The following GABRB1 variants were observed in gnomAD, a reference collection of about 807,000 sequenced individuals.
GABRB1 encodes gamma-aminobutyric acid type A receptor subunit beta1, also known as gamma-aminobutyric acid receptor subunit beta-1.
GABRB1 carries 17 observed loss-of-function variants against 51.6 expected under a neutral mutation model. The ratio of observed to expected loss-of-function variants is 0.33; its 90% confidence interval spans 0.23 to 0.49. The LOEUF is 0.49. GABRB1 is among the 20% of genes least tolerant of loss of function. The pLI, the probability that GABRB1 is intolerant of heterozygous loss-of-function variation, is 0.99. For missense variants in GABRB1, 410 were observed against 600.6 expected, an observed-to-expected ratio of 0.68 and a Z score of 3.32; for synonymous variants, 247 against 218.9, an observed-to-expected ratio of 1.13 and a Z score of -1.14.
At chr4:47,352,662 T>C (rs945064989) in intron 5 of GABRB1, among the ~76,000 whole-genome samples, 16 of 152,222 alleles carry the variant, frequency 1.1e-4, no homozygotes, top group Non-Finnish European at 2.1e-4. Context: ...TTTTGGTTTC[T>C]TTAGGATACT....
intron 5 of GABRB1, among the ~76,000 whole-genome samples, chr4:47,359,451 C>T (rs1468082941): frequency 6.6e-6 from 1 of 151,974 alleles, no homozygotes; most frequent in Admixed American, 6.6e-5. Flanking sequence ...ATCTAAATGG[C>T]CCTTGATTGA....
intron 4 of GABRB1, among the ~76,000 whole-genome samples, chr4:47,302,403 A>G (rs1161961677): frequency 2.0e-5 from 3 of 152,036 alleles, no homozygotes; most frequent in African/African-American, 7.2e-5. Flanking sequence ...CATAAGTGAT[A>G]TTATAAGTTC....
intron 8 of GABRB1, among the ~76,000 whole-genome samples, chr4:47,422,557 C>T (rs28713608): frequency 0.014 from 2,186 of 152,204 alleles, 45 homozygotes; most frequent in African/African-American, 0.05. Context: ...CCATTCTGTC[C>T]TTCTGGACAC....
chr4:47,355,915 C>T (rs1259362562), intron 5 of GABRB1, among the ~76,000 whole-genome samples: 2 of 152,236 alleles, frequency 1.3e-5, no homozygotes, highest in South Asian at 4.1e-4. Flanking sequence ...AATTATTTAA[C>T]CCTTCTAAGT....
chr4:47,101,645 T>C (rs1714728617), intron 3 of GABRB1, among the ~76,000 whole-genome samples: 1 of 152,066 alleles, frequency 6.6e-6, no homozygotes, highest in Non-Finnish European at 1.5e-5. Context: ...ACTCCCATCC[T>C]GTGATGCTTA....
intron 8 of GABRB1, among the ~76,000 whole-genome samples, chr4:47,422,807 T>C (rs765454930): frequency 6.6e-6 from 1 of 152,144 alleles, no homozygotes; most frequent in Non-Finnish European, 1.5e-5. Flanking sequence ...ACCCTATACA[T>C]GCAACACACA....
At chr4:47,373,884 C>A (rs1250577868) in intron 5 of GABRB1, among the ~76,000 whole-genome samples, 1 of 152,152 alleles carries the variant, frequency 6.6e-6, no homozygotes, top group Non-Finnish European at 1.5e-5. Flanking sequence ...GGTAAGGTGT[C>A]AAGGAAGGTC....
chr4:47,286,043 A>G (rs1201236672), intron 4 of GABRB1, among the ~76,000 whole-genome samples: 1 of 152,240 alleles, frequency 6.6e-6, no homozygotes, highest in Non-Finnish European at 1.5e-5. Flanking sequence ...TGGAAGAGAG[A>G]CAAAAATCCA....
chr4:47,008,204 A>G (rs1724468687), intron 1 of GABRB1, among the ~76,000 whole-genome samples: 1 of 152,148 alleles, frequency 6.6e-6, no homozygotes, highest in South Asian at 2.1e-4. Context: ...TTCATTAAAT[A>G]CAGAATACAG....
At chr4:47,415,551 G>A (rs754109355) in intron 8 of GABRB1, among the ~76,000 whole-genome samples, 1 of 152,120 alleles carries the variant, frequency 6.6e-6, no homozygotes, top group Non-Finnish European at 1.5e-5. Context: ...CCAGGAAGAT[G>A]GAAAATGCTA....
At position 47,145,149 on chromosome 4, in the gene GABRB1, T is replaced by C. The variant is rs151306779; in HGVS notation, c.241-16100T>C. ...AGTATCTCTTTGTATCTGCAGCAGG[T>C]ATGCCTTAGTGAGCAGGTAGCCAAG... On this transcript the variant is annotated intron_variant, in intron 3 of 8. Transcript: ENST00000295454. Among the ~76,000 whole-genome samples, 33 of 152,072 alleles carry C rather than the reference T, an allele frequency of 2.2e-4. No homozygotes were observed. The East Asian group carries it at 5.6e-3, about 26-fold the overall frequency.
At chr4:47,079,466 T>C (rs1727726330) in intron 3 of GABRB1, among the ~76,000 whole-genome samples, 1 of 152,134 alleles carries the variant, frequency 6.6e-6, no homozygotes, top group Non-Finnish European at 1.5e-5. Context: ...ATATCCCCTT[T>C]ATCATTTTTT....
At chr4:47,353,065 A>C (rs1022432172) in intron 5 of GABRB1, among the ~76,000 whole-genome samples, 1 of 152,190 alleles carries the variant, frequency 6.6e-6, no homozygotes, top group Non-Finnish European at 1.5e-5. Flanking sequence ...GCAAGAGAAA[A>C]TAAGGAAGAT....
At position 47,260,949 on chromosome 4, in the gene GABRB1, C is replaced by T. The variant is rs531915003; in HGVS notation, c.462-59178C>T. On this transcript the variant is annotated intron_variant, in intron 4 of 8. Coordinates refer to ENST00000295454, the MANE Select transcript of GABRB1 (RefSeq NM_000812.4). ...TATAAACAGAACCAAAGACAAAAAC[C>T]ACATGATTATCTCAATAGAGGCAGA... Among the ~76,000 whole-genome samples the T allele has an allele frequency of 5.6e-4, 86 of 152,214 alleles. 1 individual carries two copies. Among genetic ancestry groups the T allele is most frequent in the Admixed American group, 1.6e-3 (25 of 15,292 alleles).
At chr4:47,351,996 C>A (rs1325328885) in intron 5 of GABRB1, among the ~76,000 whole-genome samples, 2 of 152,122 alleles carry the variant, frequency 1.3e-5, no homozygotes, top group Non-Finnish European at 1.5e-5. Flanking sequence ...CTAACTTCCA[C>A]AATGGTTGAA....
At chr4:47,019,930 G>A (rs1165865260) in intron 1 of GABRB1, among the ~76,000 whole-genome samples, 1 of 149,588 alleles carries the variant, frequency 6.7e-6, no homozygotes, top group African/African-American at 2.5e-5. Flanking sequence ...ATACGTATAT[G>A]TATACGTATA....
intron 3 of GABRB1, among the ~76,000 whole-genome samples, chr4:47,131,306 G>A (rs567917906): frequency 4.6e-5 from 7 of 152,132 alleles, no homozygotes; most frequent in East Asian, 1.9e-4. Context: ...TTACAGGCAC[G>A]TGCCACCATA....
chr4:47,410,834 A>T (rs985289621), intron 8 of GABRB1, among the ~76,000 whole-genome samples: 6 of 152,224 alleles, frequency 3.9e-5, no homozygotes, highest in African/African-American at 1.4e-4. Context: ...AAATCTCAAG[A>T]GGCTTATACC....
chr4:47,370,486 C>CAG (rs1553879427), intron 5 of GABRB1, among the ~76,000 whole-genome samples: 37 of 141,000 alleles, frequency 2.6e-4, no homozygotes, highest in Admixed American at 2.6e-3. Context: ...GACTCCATCT[C>CAG]AAAAAAAAAA....
Sources: allele counts gnomAD v4.1 joint callset (sites outside exome capture counted in the v4.1 genomes callset), GRCh38; gene constraint gnomAD v4.1.1; transcripts MANE v1.5; gene names NCBI Gene and HGNC (gene_info 2026-07-23, HGNC 2026-07-21).